The following LHFPL7 variants were observed in gnomAD, a reference collection of about 807,000 sequenced individuals.
LHFPL7 encodes the protein LHFPL tetraspan subfamily member 7, also known as LHFPL tetraspan subfamily member 7 protein.
chr22:24,938,624 A>G, the LHFPL7 span, among the ~76,000 whole-genome samples: 28 of 152,216 alleles, frequency 1.8e-4, no homozygotes, highest in African/African-American at 6.3e-4. Context: ...AGCATATAGT[A>G]CCTTTATTAA....
At chr22:24,939,331 T>G in the LHFPL7 span, 1 of 702,910 alleles carries the variant, frequency 1.4e-6, no homozygotes, top group Non-Finnish European at 2.6e-6. Context: ...GAGCCAGCTC[T>G]CACCTTCCAG....
At chr22:24,946,447 G>A in the LHFPL7 span, 1 of 107,952 alleles carries the variant, frequency 9.3e-6, no homozygotes, top group Non-Finnish European at 1.7e-5. Flanking sequence ...ACACACAATT[G>A]TATGTCATTT....
At chr22:24,939,044 A>T in the LHFPL7 span, among the ~76,000 whole-genome samples, 1 of 152,196 alleles carries the variant, frequency 6.6e-6, no homozygotes. Context: ...ATCATCCTGC[A>T]TGTTTGTTAA....
At chr22:24,945,917 A>G in the LHFPL7 span, among the ~76,000 whole-genome samples, 3 of 152,254 alleles carry the variant, frequency 2.0e-5, no homozygotes, top group Non-Finnish European at 4.4e-5. Flanking sequence ...CACCTAGGAC[A>G]AATTATGTAA....
At chr22:24,946,187 G>A in the LHFPL7 span, among the ~76,000 whole-genome samples, 2 of 152,138 alleles carry the variant, frequency 1.3e-5, no homozygotes, top group Admixed American at 6.5e-5. Flanking sequence ...GCGGGTGCCT[G>A]TAATCCCAGC....
chr22:24,946,194 C>T, the LHFPL7 span, among the ~76,000 whole-genome samples: 8 of 152,108 alleles, frequency 5.3e-5, no homozygotes, highest in Non-Finnish European at 5.9e-5. Context: ...CCTGTAATCC[C>T]AGCTATTCGG....
At chr22:24,935,442 C>A in the LHFPL7 span, 1 of 1,614,060 alleles carries the variant, frequency 6.2e-7, no homozygotes, top group Non-Finnish European at 8.5e-7. Context: ...GGGCAGGAGG[C>A]TGGCCAGGAC....
chr22:24,936,450 ACACT>A, the LHFPL7 span, among the ~76,000 whole-genome samples: 1,266 of 152,268 alleles, frequency 8.3e-3, 19 homozygotes, highest in African/African-American at 0.029. Context: ...ACTTATCAAC[ACACT>A]CATTCATCCA....
chr22:24,945,923 T>G, the LHFPL7 span, among the ~76,000 whole-genome samples: 3,922 of 152,210 alleles, frequency 0.026, 70 homozygotes, highest in Middle Eastern at 0.048. Flanking sequence ...GGACAAATTA[T>G]GTAACGGCTC....
At chr22:24,938,330 A>G in the LHFPL7 span, 4 of 1,613,516 alleles carry the variant, frequency 2.5e-6, no homozygotes, top group South Asian at 4.4e-5. Flanking sequence ...GAAGGCCAAC[A>G]GGAGCCAGCC....
chr22:24,935,244 A>G, the LHFPL7 span: 1 of 1,510,438 alleles, frequency 6.6e-7, no homozygotes, highest in Non-Finnish European at 8.9e-7. Flanking sequence ...TCACACAGCA[A>G]GAAGGAGCAG....
the LHFPL7 span, among the ~76,000 whole-genome samples, chr22:24,936,030 C>T: frequency 6.6e-6 from 1 of 151,902 alleles, no homozygotes; most frequent in African/African-American, 2.4e-5. Context: ...ACTTAACAAC[C>T]CACTCATTTT....
chr22:24,936,585 A>G, the LHFPL7 span, among the ~76,000 whole-genome samples: 1 of 152,156 alleles, frequency 6.6e-6, no homozygotes, highest in East Asian at 1.9e-4. Context: ...GCACTCATAA[A>G]AGAAATCAGA....
the LHFPL7 span, among the ~76,000 whole-genome samples, chr22:24,946,020 T>C: frequency 6.6e-6 from 1 of 152,108 alleles, no homozygotes; most frequent in Non-Finnish European, 1.5e-5. Context: ...TTTAAAACTA[T>C]GGATGTTGGC....
the LHFPL7 span, among the ~76,000 whole-genome samples, chr22:24,944,616 C>T: frequency 4.6e-5 from 7 of 152,272 alleles, no homozygotes; most frequent in African/African-American, 1.7e-4. Flanking sequence ...TGCAGTGGCA[C>T]AATCACAGCT....
chr22:24,942,144 G>A, the LHFPL7 span, among the ~76,000 whole-genome samples: 12 of 151,604 alleles, frequency 7.9e-5, no homozygotes, highest in South Asian at 4.2e-4. Flanking sequence ...ATAGGCGCCC[G>A]CCACCATGCC....
the LHFPL7 span, chr22:24,935,108 A>G: frequency 1.8e-6 from 1 of 556,176 alleles, no homozygotes. Flanking sequence ...CATGGTGCAA[A>G]GTGCTTTATT....
chr22:24,937,587 A>G, the LHFPL7 span, among the ~76,000 whole-genome samples: 1 of 152,128 alleles, frequency 6.6e-6, no homozygotes, highest in Non-Finnish European at 1.5e-5. Context: ...ACTAAGGGGG[A>G]GCAGTGACAG....
At chr22:24,941,919 A>G in the LHFPL7 span, among the ~76,000 whole-genome samples, 2 of 147,728 alleles carry the variant, frequency 1.4e-5, no homozygotes, top group South Asian at 4.3e-4. Flanking sequence ...CACGCCTCGG[A>G]CTCCTAAAGT....
Sources: allele counts gnomAD v4.1 joint callset (sites outside exome capture counted in the v4.1 genomes callset), GRCh38; gene constraint gnomAD v4.1.1; transcripts MANE v1.5; gene names NCBI Gene and HGNC (gene_info 2026-07-23, HGNC 2026-07-21).